Variants in ERCC5 observed in about 807,000 individuals in gnomAD.
The protein encoded by ERCC5 is DNA excision repair protein ERCC-5.
Under a neutral mutation model 105.6 loss-of-function variants are expected in ERCC5, and 68 were observed. The observed-to-expected ratio is 0.64, with a 90% confidence interval of 0.53 to 0.79. The LOEUF (loss-of-function observed/expected upper bound fraction) is 0.79, where lower values mean the gene tolerates loss of function less well. ERCC5 is among the 30% of genes least tolerant of loss of function. The probability of loss-of-function intolerance (pLI) is 0.00; values close to 1 mark genes in which losing one functional copy is unlikely to be tolerated. For synonymous variants in ERCC5, 546 were observed against 526.2 expected (o/e 1.04, Z -0.51); for missense variants, 1,373 against 1,426.7 (o/e 0.96, Z 0.61).
intron 13 of ERCC5, among the ~76,000 whole-genome samples, chr13:102,872,809 G>A (rs574875804): frequency 6.6e-6 from 1 of 152,300 alleles, no homozygotes; most frequent in African/African-American, 2.4e-5. Flanking sequence ...AAATATTATT[G>A]ATTCTGAAAG....
intron 3 of ERCC5, 128 bp from the exon 4 acceptor site, chr13:102,854,160 G>T: frequency 1.9e-6 from 2 of 1,036,024 alleles, no homozygotes; most frequent in South Asian, 1.4e-5. Context: ...GCCCCGCCAA[G>T]GTTCCTTCCT....
At chr13:102,869,654 A>C (rs1035699721) in intron 12 of ERCC5, among the ~76,000 whole-genome samples, 1 of 152,200 alleles carries the variant, frequency 6.6e-6, no homozygotes, top group Non-Finnish European at 1.5e-5. Context: ...TTTTGCGTCT[A>C]TCAGGGCTAG....
At chr13:102,872,130 C>A (rs780753783) in intron 12 of ERCC5, 68 bp from the exon 13 acceptor site, 42 of 1,542,146 alleles carry the variant, frequency 2.7e-5, no homozygotes, top group Non-Finnish European at 3.4e-5. Flanking sequence ...AAGTTTAGTT[C>A]TTCATCCATA....
At chr13:102,874,343 C>A (rs1883126147) in intron 14 of ERCC5, among the ~76,000 whole-genome samples, 1 of 152,130 alleles carries the variant, frequency 6.6e-6, no homozygotes, top group African/African-American at 2.4e-5. Flanking sequence ...TAGATCTAAT[C>A]CTCCCCCCCA....
chr13:102,866,030 G>T, intron 9 of ERCC5, 119 bp downstream of exon 9: 1 of 1,582,684 alleles, frequency 6.3e-7, no homozygotes. Flanking sequence ...TCTTGTGGTT[G>T]CTGATGGCTT....
intron 13 of ERCC5, among the ~76,000 whole-genome samples, chr13:102,872,907 C>T (rs921365044): frequency 6.6e-6 from 1 of 152,212 alleles, no homozygotes; most frequent in Non-Finnish European, 1.5e-5. Flanking sequence ...TGTTTCAAAA[C>T]TTGCACTAGA....
rs17655 is a variant in ERCC5, at chr13:102,875,652, G to C, written c.3310G>C (p.Asp1104His). 0.24 allele frequency: 392,350 copies of C among 1,613,874 alleles called. 52,612 individuals are homozygous for C. The highest frequency in any genetic ancestry group is 0.53 in the East Asian group (23,560 of 44,874). ...ATCATCTGATGGATCTTCAAGTGAA[G>C]ATGCTGAAAGTTCATCTTTAATGAA... ...SESSDGSSSE[D>H]AESSSLMNVQ... Residue 1104 changes from aspartate to histidine, a missense_variant, in exon 15 of 15, where the codon GAT becomes CAT. Asp to His is a moderately conservative substitution (Grantham distance 81). This residue lies in a region of ERCC5 where 367 missense variants were observed against 350.2 expected (regional missense o/e 1.05). Coordinates refer to ENST00000652225, the MANE Select transcript of ERCC5 (RefSeq NM_000123.4).
At position 102,875,975 on chromosome 13, in the gene ERCC5, A is replaced by C; in HGVS notation, c.*72A>C. The stretch of plus-strand genomic sequence containing the variant: ...ATGAATTTGTCGCAAAGACGTAATA[A>C]AATTAACTGGTGGCACGGTCTTTGT... On this transcript the variant is annotated 3_prime_UTR_variant, in exon 15 of 15. Transcript: ENST00000652225. The C allele has an allele frequency of 6.4e-7, 1 of 1,563,386 alleles. No individual in the cohort carries two copies. Among genetic ancestry groups the C allele is most frequent in the Non-Finnish European group, 8.7e-7 (1 of 1,153,316 alleles).
chr13:102,849,043 GTTAAAGT>G, intron 1 of ERCC5: 2 of 443,532 alleles, frequency 4.5e-6, no homozygotes, highest in Non-Finnish European at 9.1e-6. Context: ...CCTCACTGAA[GTTAAAGT>G]TTAAAGTAGT....
At chr13:102,849,464 A>G (rs1218198042) in intron 1 of ERCC5, 1 of 518,608 alleles carries the variant, frequency 1.9e-6, no homozygotes. Context: ...AGGGTCTTGG[A>G]TATGCCTGGC....
At chr13:102,859,404 G>T (rs1392619609) in intron 6 of ERCC5, among the ~76,000 whole-genome samples, 1 of 152,200 alleles carries the variant, frequency 6.6e-6, no homozygotes, top group Non-Finnish European at 1.5e-5. Context: ...ACACACTAAG[G>T]TGCACAGAAG....
At chr13:102,873,189 CTTTGGACCTTTTTA>C in intron 13 of ERCC5, 56 bp from the exon 14 acceptor site, 1 of 1,596,440 alleles carries the variant, frequency 6.3e-7, no homozygotes, top group Non-Finnish European at 8.6e-7. Flanking sequence ...AGAATGGGTT[CTTTGGACCTTTTTA>C]TTTGTCACTT....
At chr13:102,864,446 A>G (rs1471413664) in intron 8 of ERCC5, among the ~76,000 whole-genome samples, 2 of 152,062 alleles carry the variant, frequency 1.3e-5, no homozygotes, top group East Asian at 1.9e-4. Flanking sequence ...ATTTATTTTT[A>G]TTATTTTTAA....
At position 102,862,151 on chromosome 13, in the gene ERCC5, G is replaced by A. The variant is rs2140526959; in HGVS notation, c.1002G>A (p.Glu334=). ...GTGAAAAACTGAAGACAGAGAAAGA[G>A]CCTGATGCTACCCCTCCTTCTCCAA... is the stretch of plus-strand genomic sequence containing the variant. ...SPCEKLKTEK[E]PDATPPSPRT... Residue 334 remains glutamate, a synonymous_variant, in exon 8 of 15, where the codon GAG becomes GAA. Coordinates refer to ENST00000652225, the MANE Select transcript of ERCC5 (RefSeq NM_000123.4). 1.9e-6 allele frequency: 3 copies of A among 1,614,184 alleles called. No individual in the cohort carries two copies. In the South Asian group the frequency reaches 3.3e-5, roughly 18 times the overall value.
chr13:102,858,885 A>C (rs1362096574), intron 6 of ERCC5: 1 of 456,086 alleles, frequency 2.2e-6, no homozygotes, highest in Admixed American at 2.3e-5. Flanking sequence ...CACAATGGAA[A>C]AATAAGTTCT....
rs1039529744 is a variant in ERCC5 at position 102,873,125 on chromosome 13, G to A, written c.2880-134G>A. The A allele has an allele frequency of 2.8e-5, 27 of 961,658 alleles. No individual in the cohort carries two copies. In the Middle Eastern group the frequency reaches 8.7e-4, roughly 31 times the overall value. 59.6% of individuals were successfully genotyped at this position (961,658 alleles called of 1,614,324 possible). ...TTTATTTTGTTAGTACTTTCTTTTAGCACTCTAATCTTTATAAATAGGAAA... is the reference window on the plus strand; with the variant it reads ...TTTATTTTGTTAGTACTTTCTTTTAACACTCTAATCTTTATAAATAGGAAA... On this transcript the variant is annotated intron_variant, in intron 13 of 14. Transcript: ENST00000652225.
At chr13:102,856,329 C>G (rs1379882973) in intron 5 of ERCC5, among the ~76,000 whole-genome samples, 1 of 151,828 alleles carries the variant, frequency 6.6e-6, no homozygotes, top group East Asian at 1.9e-4. Flanking sequence ...TGCCATTATG[C>G]ACATCTATAT....
chr13:102,862,905 A>G lies in ERCC5; in HGVS notation c.1756A>G (p.Thr586Ala). 3.1e-6 allele frequency: 5 copies of G among 1,614,252 alleles called. No individual in the cohort carries two copies. Among genetic ancestry groups the G allele is most frequent in the Non-Finnish European group, 4.2e-6 (5 of 1,180,040 alleles). Residue 586 changes from threonine (T) to alanine (A), a missense_variant, in exon 8 of 15, where the codon ACA becomes GCA. Thr to Ala is a moderately conservative substitution (Grantham distance 58). Around this residue, in one of 3 missense-constraint regions of ERCC5, gnomAD observed 1,004 missense variants for 1,059.7 expected, o/e 0.95. Coordinates refer to ENST00000652225, the MANE Select transcript of ERCC5 (RefSeq NM_000123.4). ...EVIGPVSLQETSSIVSVPSEA... is the reference protein window; with the variant it reads ...EVIGPVSLQEASSIVSVPSEA... ...CATTGGCCCTGTCAGTTTGCAAGAA[A>G]CAAGTAGCATAGTAAGTGTCCCTTC...
rs2140531452 is a variant in ERCC5 at position 102,865,879 on chromosome 13, G to A, written c.2167G>A (p.Asp723Asn). 1.2e-6 allele frequency: 2 copies of A among 1,614,252 alleles called. No individual in the cohort carries two copies. Among genetic ancestry groups the A allele is most frequent in the African/African-American group, 1.3e-5 (1 of 75,070 alleles). Residue 723 changes from aspartate (D) to asparagine (N), a missense_variant, in exon 9 of 15, where the codon GAT (aspartate) becomes AAT (asparagine). Coordinates refer to ENST00000652225, the MANE Select transcript of ERCC5 (RefSeq NM_000123.4). The surrounding 1 kb of genome is among the most constrained non-coding windows in gnomAD (Gnocchi z 4.0). Reference sequence around the variant, plus strand: ...ACAGGAAGCTGAGAAAGATGCGGAAGATTCGCTCCATGAATGGCAAGATAT... The same window carrying A: ...ACAGGAAGCTGAGAAAGATGCGGAAAATTCGCTCCATGAATGGCAAGATAT... ...EPQEAEKDAEDSLHEWQDINL... is the reference protein window; with the variant it reads ...EPQEAEKDAENSLHEWQDINL...
Sources: gnomAD v4.1 joint callset for allele counts (sites outside exome capture counted in the v4.1 genomes callset) on GRCh38, gnomAD v4.1.1 for gene constraint, gnomAD v4.1.1 regional missense constraint, Gnocchi (gnomAD v3.1) non-coding constraint, MANE v1.5 for transcripts, NCBI Gene and HGNC (gene_info 2026-07-23, HGNC 2026-07-21) for gene names.